The following ASXL2 variants were observed in gnomAD, a reference collection of about 807,000 sequenced individuals.
ASXL2 encodes the protein ASXL transcriptional regulator 2, also known as putative Polycomb group protein ASXL2.
ASXL2 carries 23 observed loss-of-function variants against 122.0 expected under a neutral mutation model. The ratio of observed to expected loss-of-function variants is 0.19; its 90% confidence interval spans 0.14 to 0.27. The LOEUF is 0.27. ASXL2 is among the 10% of genes least tolerant of loss of function. The probability of loss-of-function intolerance (pLI) is 1.00; values close to 1 mark genes in which losing one functional copy is unlikely to be tolerated. For synonymous variants in ASXL2, 650 were observed against 637.0 expected, an observed-to-expected ratio of 1.02 and a Z score of -0.31; for missense variants, 1,518 against 1,713.8, an observed-to-expected ratio of 0.89 and a Z score of 2.02.
intron 9 of ASXL2, among the ~76,000 whole-genome samples, chr2:25,757,532 G>A (rs543740322): frequency 4.7e-5 from 7 of 149,992 alleles, no homozygotes; most frequent in East Asian, 3.9e-4. Context: ...AAAACTAGCC[G>A]GGCATGGTGG....
intron 2 of ASXL2, among the ~76,000 whole-genome samples, chr2:25,837,834 C>T (rs2089531480): frequency 2.0e-5 from 3 of 149,506 alleles, no homozygotes; most frequent in South Asian, 2.1e-4. Context: ...AACCAAGAGG[C>T]GGCCAGGTGC....
Position 25,750,147 on chromosome 2 carries a change from T to G in ASXL2, c.1409A>C (p.Asn470Thr). 1.2e-6 allele frequency: 2 copies of G among 1,614,034 alleles called. No individual in the cohort carries two copies. The highest frequency in any genetic ancestry group is 1.3e-5 in the African/African-American group (1 of 75,054). ...AAGAATGCTGCTAAGCTCATGTGTATTGAGAGCTGAGGAAAGCAGGGGCTC... is the reference window on the plus strand; with the variant it reads ...AAGAATGCTGCTAAGCTCATGTGTAGTGAGAGCTGAGGAAAGCAGGGGCTC... ...SSEPLLSSAL[N>T]THELSSILPI... The change falls in exon 12 of 13, where the codon AAT (asparagine) becomes ACT (threonine). Residue 470 changes from asparagine (N) to threonine (T), a missense_variant. By Grantham distance (65) the Asn-to-Thr change is moderately conservative. Coordinates refer to ENST00000435504, the MANE Select transcript of ASXL2 (RefSeq NM_018263.6).
intron 5 of ASXL2, among the ~76,000 whole-genome samples, chr2:25,788,343 C>T (rs1344516492): frequency 6.6e-6 from 1 of 152,210 alleles, no homozygotes; most frequent in African/African-American, 2.4e-5. Context: ...ATTGCATAAA[C>T]ATCCACCAGT....
chr2:25,838,096 AAAAG>A (rs1489762873), intron 2 of ASXL2, among the ~76,000 whole-genome samples: 3 of 152,190 alleles, frequency 2.0e-5, no homozygotes, highest in Non-Finnish European at 2.9e-5. Flanking sequence ...GACTATCTCA[AAAAG>A]AAAGAAAGAA....
chr2:25,774,952 C>T (rs11894959), intron 5 of ASXL2, among the ~76,000 whole-genome samples: 48,830 of 151,998 alleles, frequency 0.32, 8,395 homozygotes, highest in African/African-American at 0.41. Context: ...TTTTTAGTCA[C>T]TGAATAACCT....
intron 5 of ASXL2, among the ~76,000 whole-genome samples, chr2:25,785,473 C>T (rs1031308658): frequency 1.3e-5 from 2 of 151,888 alleles, no homozygotes; most frequent in Non-Finnish European, 2.9e-5. Flanking sequence ...GATTGGCCCA[C>T]CTCCATTTCC....
chr2:25,855,342 T>TA (rs2089763998), intron 1 of ASXL2, among the ~76,000 whole-genome samples: 1 of 152,126 alleles, frequency 6.6e-6, no homozygotes, highest in African/African-American at 2.4e-5. Context: ...GCCCAGGAGT[T>TA]AGAGACCAGC....
chr2:25,760,822 G>A (rs1456952613), intron 8 of ASXL2, among the ~76,000 whole-genome samples: 4 of 152,146 alleles, frequency 2.6e-5, no homozygotes, highest in Non-Finnish European at 5.9e-5. Flanking sequence ...AGACCTAGAA[G>A]TACTGAAGCT....
In ASXL2 at chr2:25,858,669, G is replaced by A. The variant is rs534345734; in HGVS notation, c.58-13106C>T. On this transcript the variant is annotated intron_variant, in intron 1 of 12. Transcript: ENST00000435504. Reference sequence around the variant, plus strand: ...ACCCAGGAGGCGGAGGCTGCAGTGAGCTGAGATCACGCCACTGTACTCCAG... The same window carrying A: ...ACCCAGGAGGCGGAGGCTGCAGTGAACTGAGATCACGCCACTGTACTCCAG... 4.0e-5 allele frequency among the ~76,000 whole-genome samples: 6 copies of A among 150,412 alleles called. No individual in the cohort carries two copies. The East Asian group carries it at 1.2e-3, about 30-fold the overall frequency.
In ASXL2 at chr2:25,740,527, C is replaced by A. The variant is rs894678079; in HGVS notation, c.*1502G>T. On this transcript the variant is annotated 3_prime_UTR_variant, in exon 13 of 13. Transcript: ENST00000435504. ...CAAATTGACACTCCCCCATTTAATA[C>A]AAAATTCTGTTAAACTGCAGGTTTA... The A allele has an allele frequency of 8.3e-5, 19 of 228,380 alleles. No individual in the cohort carries two copies. The East Asian group carries it at 1.1e-3, about 13-fold the overall frequency. The allele number at this position is 228,380 out of a possible 1,614,324, so 14.1% of individuals were successfully genotyped here.
rs183541801 is a variant in ASXL2, at chr2:25,834,983, C to T, written c.143+555G>A. Among the ~76,000 whole-genome samples, 1,001 of 152,190 alleles carry T rather than the reference C, an allele frequency of 6.6e-3. 6 individuals are homozygous for T. The highest frequency in any genetic ancestry group is 0.034 in the Middle Eastern group (10 of 294). ...GATTACGGGCGCCGGCCACCACACC[C>T]AGCTAATTTTTGGATTTTTTAGTAG... On this transcript the variant is annotated intron_variant, in intron 3 of 12. Coordinates refer to ENST00000435504, the MANE Select transcript of ASXL2 (RefSeq NM_018263.6).
Position 25,750,167 on chromosome 2 carries a change from G to C in ASXL2, c.1389C>G (p.Pro463=). 1 of 1,614,004 alleles carries C rather than the reference G, an allele frequency of 6.2e-7. No homozygotes were observed. Residue 463 remains proline (P), a synonymous_variant, in exon 12 of 13, where the codon CCC becomes CCG. Transcript: ENST00000435504. ...VQPNFSTSSE[P]LLSSALNTHE... is the part of the protein sequence containing the mutation. The stretch of plus-strand genomic sequence containing the variant: ...GTGTATTGAGAGCTGAGGAAAGCAG[G>C]GGCTCTGAAGATGTGGAGAAGTTCG...
intron 2 of ASXL2, among the ~76,000 whole-genome samples, chr2:25,840,045 A>C (rs2089561229): frequency 6.6e-6 from 1 of 152,012 alleles, no homozygotes; most frequent in Admixed American, 6.6e-5. Context: ...CTATCTTTAA[A>C]ATTAGTGCAT....
chr2:25,752,462 T>C (rs2088062026), intron 11 of ASXL2, among the ~76,000 whole-genome samples: 1 of 152,248 alleles, frequency 6.6e-6, no homozygotes, highest in African/African-American at 2.4e-5. Context: ...AGGTTGGTTC[T>C]AATAGTCCAC....
chr2:25,761,026 A>T (rs2088233051), intron 8 of ASXL2, among the ~76,000 whole-genome samples: 1 of 152,230 alleles, frequency 6.6e-6, no homozygotes, highest in South Asian at 2.1e-4. Flanking sequence ...CTATATAGCC[A>T]AACAATTTAC....
intron 3 of ASXL2, among the ~76,000 whole-genome samples, chr2:25,812,525 A>C (rs1161871983): frequency 2.0e-5 from 3 of 152,158 alleles, no homozygotes; most frequent in Non-Finnish European, 2.9e-5. Flanking sequence ...GTTATGGGCA[A>C]ATAGGCACTC....
chr2:25,753,098 G>T (rs2088073017), intron 11 of ASXL2, among the ~76,000 whole-genome samples: 1 of 151,546 alleles, frequency 6.6e-6, no homozygotes. Flanking sequence ...CTCCCAAGTA[G>T]CTGGGATCAC....
chr2:25,781,072 A>AG (rs1260256706), intron 5 of ASXL2, among the ~76,000 whole-genome samples: 1 of 151,970 alleles, frequency 6.6e-6, no homozygotes, highest in South Asian at 2.1e-4. Context: ...AAAAAAAAAA[A>AG]AAAAGAAAAG....
chr2:25,765,431 A>G (rs1395455239), intron 8 of ASXL2, among the ~76,000 whole-genome samples: 1 of 151,984 alleles, frequency 6.6e-6, no homozygotes, highest in East Asian at 1.9e-4. Context: ...GCTTGCAGTG[A>G]GCCGAGATCG....
Sources: gnomAD v4.1 joint callset for allele counts (sites outside exome capture counted in the v4.1 genomes callset) on GRCh38, gnomAD v4.1.1 for gene constraint, MANE v1.5 for transcripts, NCBI Gene and HGNC (gene_info 2026-07-23, HGNC 2026-07-21) for gene names.